Variants in COL4A1 observed in about 807,000 individuals in gnomAD.
The protein encoded by COL4A1 is collagen type IV alpha 1 chain, also known as collagen alpha-1(IV) chain.
COL4A1 carries 40 observed loss-of-function variants against 216.6 expected under a neutral mutation model. That is an observed-to-expected ratio of 0.18 (90% CI 0.14 to 0.24). The LOEUF (loss-of-function observed/expected upper bound fraction) is 0.24. COL4A1 is among the 10% of genes least tolerant of loss of function. COL4A1 has a pLI of 1.00. For synonymous variants in COL4A1, 839 were observed against 810.7 expected, an observed-to-expected ratio of 1.03 and a Z score of -0.59; for missense variants, 1,628 against 2,196.8, an observed-to-expected ratio of 0.74 and a Z score of 5.18.
chr13:110,186,331 G>A, intron 26 of COL4A1, 54 bp downstream of exon 26: 2 of 1,608,600 alleles, frequency 1.2e-6, no homozygotes, highest in Middle Eastern at 2.2e-4. Context: ...CGAGGTGCCT[G>A]CCCTAACCTC....
intron 22 of COL4A1, among the ~76,000 whole-genome samples, chr13:110,194,184 C>T (rs557223593): frequency 8.7e-4 from 132 of 152,324 alleles, no homozygotes; most frequent in African/African-American, 3.1e-3. Flanking sequence ...CGCCCAAGAT[C>T]GCTTCCATTT....
chr13:110,183,180 G>A lies in COL4A1; in HGVS notation c.1990+4C>T, dbSNP rs771634502. On this transcript the variant is annotated splice_donor_region_variant and intron_variant, in intron 27 of 51. Transcript: ENST00000375820. ...ATCCCGGTGAGCTGGAATTCCAATCGTACCTTGGGGACCTGGGAAGCCTGG... is the reference window on the plus strand; with the variant it reads ...ATCCCGGTGAGCTGGAATTCCAATCATACCTTGGGGACCTGGGAAGCCTGG... The A allele has an allele frequency of 2.6e-5, 42 of 1,613,662 alleles. No homozygotes were observed. Among genetic ancestry groups the A allele is most frequent in the Non-Finnish European group, 3.3e-5 (39 of 1,179,944 alleles).
chr13:110,162,572 C>A, intron 47 of COL4A1, 130 bp from the exon 48 acceptor site: 1 of 755,046 alleles, frequency 1.3e-6, no homozygotes, highest in East Asian at 2.7e-5. Flanking sequence ...TTCATGTTAC[C>A]AAAAAAGTCT....
At chr13:110,209,315 T>C (rs533967232) in intron 11 of COL4A1, 77 bp downstream of exon 11, 6 of 1,322,940 alleles carry the variant, frequency 4.5e-6, no homozygotes, top group Admixed American at 1.9e-5. Flanking sequence ...ACTGAAAGAA[T>C]AAGAAGAGTG....
intron 2 of COL4A1, among the ~76,000 whole-genome samples, chr13:110,237,766 A>C (rs1431985296): frequency 6.6e-6 from 1 of 152,254 alleles, no homozygotes. Context: ...GTTGAGATGC[A>C]GAGAGACAGG....
rs1276306973 is a variant in COL4A1 at position 110,253,069 on chromosome 13, CAT to C, written c.85-10337_85-10336del. 3.1e-3 allele frequency among the ~76,000 whole-genome samples: 272 copies of C among 89,014 alleles called. 76 individuals carry two copies. The highest frequency in any genetic ancestry group is 4.8e-3 in the Non-Finnish European group (200 of 41,250). 58.4% of individuals were successfully genotyped at this position (89,014 alleles called of 152,430 possible). A position where few individuals can be genotyped will look rare whatever the true frequency, so the allele number is the denominator to read the frequency against. ...TATAAGTACGTATGTATTACATATA[CAT>C]ATAACTATAAGTACGTATGTATTAC... is the stretch of plus-strand genomic sequence containing the variant. On this transcript the variant is annotated intron_variant, in intron 1 of 51. Coordinates refer to ENST00000375820, the MANE Select transcript of COL4A1 (RefSeq NM_001845.6).
intron 26 of COL4A1, among the ~76,000 whole-genome samples, chr13:110,184,665 TG>T (rs1403761931): frequency 1.3e-5 from 2 of 151,884 alleles, no homozygotes; most frequent in African/African-American, 4.8e-5. Flanking sequence ...CATACTGGAA[TG>T]CTTAGGAACT....
At chr13:110,221,215 G>A (rs182709403) in intron 2 of COL4A1, among the ~76,000 whole-genome samples, 25 of 152,296 alleles carry the variant, frequency 1.6e-4, no homozygotes, top group African/African-American at 5.3e-4. Context: ...GCTAGAAGGC[G>A]ATGGTTACAA....
At position 110,178,952 on chromosome 13, in the gene COL4A1, G is replaced by C; in HGVS notation, c.2429C>G (p.Pro810Arg). 1.2e-6 allele frequency: 2 copies of C among 1,612,120 alleles called. No individual in the cohort carries two copies. The highest frequency in any genetic ancestry group is 1.7e-6 in the Non-Finnish European group (2 of 1,179,576). Residue 810 changes from proline (P) to arginine (R), a missense_variant, in exon 31 of 52, where the codon CCT becomes CGT. Pro to Arg is a moderately radical substitution (Grantham distance 103). Around this residue, in one of 8 missense-constraint regions of COL4A1, gnomAD observed 701 missense variants for 892.5 expected, o/e 0.79. Coordinates refer to ENST00000375820, the MANE Select transcript of COL4A1 (RefSeq NM_001845.6). ...GIGPPGARGP[P>R]GGQGPPGLSG... ...CAACCCCGGTGGTCCCTGTCCTCCA[G>C]GGGGACCCCTAGCTCCAGGGGGGCC...
intron 2 of COL4A1, among the ~76,000 whole-genome samples, chr13:110,227,354 T>C (rs1055833023): frequency 6.7e-6 from 1 of 149,790 alleles, no homozygotes; most frequent in Non-Finnish European, 1.5e-5. Flanking sequence ...GTTACATCAA[T>C]TGGGCGATAG....
intron 2 of COL4A1, among the ~76,000 whole-genome samples, chr13:110,239,590 C>T (rs926735255): frequency 6.6e-6 from 1 of 152,176 alleles, no homozygotes; most frequent in Non-Finnish European, 1.5e-5. Context: ...TCAGTTGCAG[C>T]TCATAAGCAG....
In COL4A1 at chr13:110,150,454, GAC is replaced by G; in HGVS notation, c.4929-12_4929-11del. ...GGACGGCGTAGGCTTCCTAAAACAC[GAC>G]ACAGAGACAGACCATTGGCCATCAT... On this transcript the variant is annotated splice_polypyrimidine_tract_variant and intron_variant, in intron 51 of 51. Coordinates refer to ENST00000375820, the MANE Select transcript of COL4A1 (RefSeq NM_001845.6). 6.2e-7 allele frequency: 1 copy of G among 1,613,474 alleles called. No individual in the cohort carries two copies.
At chr13:110,251,876 C>T (rs111420905) in intron 1 of COL4A1, among the ~76,000 whole-genome samples, 1,537 of 152,286 alleles carry the variant, frequency 0.01, 29 homozygotes, top group African/African-American at 0.035. Context: ...CAGTCTTCTC[C>T]GCCTTAATTC....
At chr13:110,235,007 C>T (rs545419819) in intron 2 of COL4A1, among the ~76,000 whole-genome samples, 1 of 152,142 alleles carries the variant, frequency 6.6e-6, no homozygotes. Context: ...CTAAGGAACA[C>T]TTTTTAATGC....
chr13:110,231,340 G>A (rs1237212831), intron 2 of COL4A1, among the ~76,000 whole-genome samples: 3 of 152,230 alleles, frequency 2.0e-5, no homozygotes, highest in Non-Finnish European at 2.9e-5. Context: ...ATTTCTCAAA[G>A]CACCAACATT....
intron 2 of COL4A1, among the ~76,000 whole-genome samples, chr13:110,233,955 G>A (rs1280330007): frequency 3.3e-5 from 5 of 152,194 alleles, no homozygotes; most frequent in African/African-American, 9.7e-5. Flanking sequence ...AGCTGGATGG[G>A]GATCCATGTC....
chr13:110,288,272 A>AAAAAAT (rs1555316098), intron 1 of COL4A1, among the ~76,000 whole-genome samples: 9 of 136,112 alleles, frequency 6.6e-5, no homozygotes, highest in African/African-American at 2.3e-4. Flanking sequence ...CAAAAAAAAA[A>AAAAAAT]AAAATAATAA....
intron 2 of COL4A1, among the ~76,000 whole-genome samples, chr13:110,219,715 T>C (rs1440251629): frequency 1.5e-5 from 2 of 137,754 alleles, no homozygotes; most frequent in Non-Finnish European, 3.1e-5. Flanking sequence ...TACATATGTG[T>C]ATATATATGT....
chr13:110,270,250 C>T (rs543197403), intron 1 of COL4A1, among the ~76,000 whole-genome samples: 3 of 152,318 alleles, frequency 2.0e-5, no homozygotes, highest in South Asian at 4.1e-4. Context: ...GGCACATTAA[C>T]GATTTCCTTG....
Sources: allele counts gnomAD v4.1 joint callset (sites outside exome capture counted in the v4.1 genomes callset), GRCh38; gene constraint gnomAD v4.1.1; regional missense constraint gnomAD v4.1.1; transcripts MANE v1.5; gene names NCBI Gene and HGNC (gene_info 2026-07-23, HGNC 2026-07-21).